STK33: variants seen among roughly 807,000 people sequenced by gnomAD.
STK33 encodes serine/threonine kinase 33.
Under a neutral mutation model 58.0 loss-of-function variants are expected in STK33, and 52 were observed. The observed-to-expected ratio is 0.90, with a 90% CI of 0.72 to 1.13. The LOEUF (loss-of-function observed/expected upper bound fraction) is 1.13. Among genes scored for constraint, STK33 ranks in the 50% most tolerant of loss-of-function variants. The pLI, the probability that STK33 is intolerant of heterozygous loss-of-function variation, is 0.00. For synonymous variants in STK33, 215 were observed against 200.1 expected (o/e 1.07, Z -0.63); for missense variants, 630 against 604.2 (o/e 1.04, Z -0.45).
chr11:8,538,004 T>C (rs980324579), intron 1 of STK33, among the ~76,000 whole-genome samples: 1 of 151,684 alleles, frequency 6.6e-6, no homozygotes. Flanking sequence ...CTGGGCAACA[T>C]GGCGAAACCT....
intron 1 of STK33, among the ~76,000 whole-genome samples, chr11:8,502,297 A>C (rs935776219): frequency 1.2e-4 from 18 of 152,160 alleles, no homozygotes; most frequent in Admixed American, 1.2e-3. Flanking sequence ...GACACACACC[A>C]ATGGAACAGA....
chr11:8,592,367 A>G (rs1369048743), intron 1 of STK33, among the ~76,000 whole-genome samples: 3 of 152,246 alleles, frequency 2.0e-5, no homozygotes, highest in Non-Finnish European at 2.9e-5. Flanking sequence ...ATAGCTAACA[A>G]TAAGATTTCA....
intron 9 of STK33, among the ~76,000 whole-genome samples, chr11:8,456,014 T>C (rs1256382155): frequency 6.6e-6 from 1 of 152,130 alleles, no homozygotes; most frequent in Non-Finnish European, 1.5e-5. Context: ...AAACATATCA[T>C]TATGCTTTTA....
chr11:8,347,665 T>TAGTCATGTGGCCCCACC, the STK33 span, among the ~76,000 whole-genome samples: 2 of 152,174 alleles, frequency 1.3e-5, no homozygotes, highest in Admixed American at 1.3e-4. Context: ...TGGCCAGAAC[T>TAGTCATGTGGCCCCACC]AGTCATGTGG....
chr11:8,370,689 A>C, the STK33 span, among the ~76,000 whole-genome samples: 1 of 148,762 alleles, frequency 6.7e-6, no homozygotes, highest in Non-Finnish European at 1.5e-5. Context: ...CAACTGCTGA[A>C]GTTGCAGCTG....
At chr11:8,587,085 G>C (rs1383763164) in intron 1 of STK33, among the ~76,000 whole-genome samples, 2 of 152,118 alleles carry the variant, frequency 1.3e-5, no homozygotes, top group Non-Finnish European at 2.9e-5. Context: ...CTGATGCACA[G>C]TAGGTGATCA....
At chr11:8,362,068 A>T in the STK33 span, among the ~76,000 whole-genome samples, 3 of 152,184 alleles carry the variant, frequency 2.0e-5, no homozygotes, top group African/African-American at 7.2e-5. Context: ...ACTCAGTTTG[A>T]CTAGAGAGGG....
intron 15 of STK33, among the ~76,000 whole-genome samples, chr11:8,410,724 G>A (rs1419454728): frequency 1.3e-5 from 2 of 151,878 alleles, no homozygotes; most frequent in Non-Finnish European, 2.9e-5. Context: ...CCACCCATCT[G>A]GGCCTCCCAA....
At chr11:8,403,312 C>G (rs1368457065) in intron 15 of STK33, among the ~76,000 whole-genome samples, 1 of 152,128 alleles carries the variant, frequency 6.6e-6, no homozygotes, top group Non-Finnish European at 1.5e-5. Flanking sequence ...GAATTCGTAC[C>G]TGAAACACTG....
At chr11:8,565,628 C>T (rs1410217369) in intron 1 of STK33, 5 of 152,192 alleles carry the variant, frequency 3.3e-5, no homozygotes, top group African/African-American at 9.7e-5. Context: ...AGATAATGTA[C>T]ATAAAGCTCT....
rs763719773 is a variant in STK33, at chr11:8,457,502, G to C, written c.559-23C>G. On this transcript the variant is annotated intron_variant, in intron 8 of 15. Coordinates refer to ENST00000687296, the MANE Select transcript of STK33 (RefSeq NM_001352389.2). Reference sequence around the variant, plus strand: ...TTTCTGACATTATATATATAAAAGAGAGAGAGAGCAAATTATATATCTGGG... The same window carrying C: ...TTTCTGACATTATATATATAAAAGACAGAGAGAGCAAATTATATATCTGGG... 3.2e-5 allele frequency: 49 copies of C among 1,541,570 alleles called. 1 individual carries two copies. The highest frequency in any genetic ancestry group is 4.2e-5 in the Non-Finnish European group (47 of 1,131,886).
chr11:8,445,765 T>G (rs1945366255), intron 11 of STK33, among the ~76,000 whole-genome samples: 1 of 152,356 alleles, frequency 6.6e-6, no homozygotes, highest in South Asian at 2.1e-4. Context: ...TTTGATGTGC[T>G]GTTGGATTCA....
the STK33 span, among the ~76,000 whole-genome samples, chr11:8,359,420 G>A: frequency 6.6e-6 from 1 of 152,222 alleles, no homozygotes; most frequent in Non-Finnish European, 1.5e-5. Context: ...CTACTTTTCT[G>A]TAAAGTTGAG....
intron 1 of STK33, among the ~76,000 whole-genome samples, chr11:8,556,510 T>C (rs1443845767): frequency 6.6e-6 from 1 of 152,196 alleles, no homozygotes; most frequent in Non-Finnish European, 1.5e-5. Context: ...CAAAACCTCT[T>C]GCCTCTGCCT....
At chr11:8,400,389 T>A (rs950658463) in intron 15 of STK33, among the ~76,000 whole-genome samples, 26 of 152,210 alleles carry the variant, frequency 1.7e-4, no homozygotes, top group Admixed American at 6.5e-4. Context: ...TCTCAATAGA[T>A]GCAGAAAAGG....
At chr11:8,414,300 A>G (rs1187342966) in intron 14 of STK33, among the ~76,000 whole-genome samples, 1 of 152,168 alleles carries the variant, frequency 6.6e-6, no homozygotes, top group African/African-American at 2.4e-5. Context: ...ACCATTTTAT[A>G]TTAACTGTAT....
downstream of STK33, among the ~76,000 whole-genome samples, chr11:8,388,957 C>T (rs1848581379): frequency 6.6e-6 from 1 of 152,092 alleles, no homozygotes; most frequent in African/African-American, 2.4e-5. Context: ...ATCTTTTTTG[C>T]CCTTTACTGT....
At chr11:8,521,507 T>C (rs1295138172) in intron 1 of STK33, among the ~76,000 whole-genome samples, 1 of 152,090 alleles carries the variant, frequency 6.6e-6, no homozygotes, top group Non-Finnish European at 1.5e-5. Flanking sequence ...ATGTTAGACC[T>C]AAAACCATAA....
chr11:8,483,220 G>A (rs1276933575), intron 1 of STK33, among the ~76,000 whole-genome samples: 2 of 152,080 alleles, frequency 1.3e-5, no homozygotes, highest in Non-Finnish European at 1.5e-5. Context: ...CTGTGAACAC[G>A]TCAAGGAAAG....
Sources: allele counts gnomAD v4.1 joint callset (sites outside exome capture counted in the v4.1 genomes callset), GRCh38; gene constraint gnomAD v4.1.1; transcripts MANE v1.5; gene names NCBI Gene and HGNC (gene_info 2026-07-23, HGNC 2026-07-21).